The following COL25A1 variants were observed in gnomAD, a reference collection of about 807,000 sequenced individuals.
The protein encoded by COL25A1 is collagen alpha-1(XXV) chain.
COL25A1 carries 103 observed loss-of-function variants against 128.4 expected under a neutral mutation model. That is an observed-to-expected ratio of 0.80 (90% CI 0.68 to 0.94). The LOEUF (loss-of-function observed/expected upper bound fraction) is 0.94, where lower values mean the gene tolerates loss of function less well. Among genes scored for constraint, COL25A1 ranks in the 40% least tolerant of loss-of-function variants. The pLI, the probability that COL25A1 is intolerant of heterozygous loss-of-function variation, is 0.00. For synonymous variants in COL25A1, 279 were observed against 277.2 expected (o/e 1.01, Z -0.06); for missense variants, 745 against 840.0 (o/e 0.89, Z 1.40).
intron 3 of COL25A1, among the ~76,000 whole-genome samples, chr4:109,188,028 G>A (rs1041361640): frequency 3.9e-5 from 6 of 152,196 alleles, no homozygotes; most frequent in Middle Eastern, 3.4e-3. Context: ...AGGGAAACCC[G>A]TGACAAGAAC....
At position 108,896,708 on chromosome 4, in the gene COL25A1, C is replaced by T; in HGVS notation, c.865G>A (p.Asp289Asn). ...GEPGEQGEKG[D>N]AGENGPKGDT... ...CCCTTGGGGCCGTTCTCTCCAGCGT[C>T]TCCCTGAGGAGGTGAGAAAGTGACA... The change falls in exon 16 of 38, where the codon GAC (aspartate) becomes AAC (asparagine). Residue 289 changes from aspartate to asparagine, a missense_variant. Transcript: ENST00000399132. 1 of 1,613,856 alleles carries T rather than the reference C, an allele frequency of 6.2e-7. No individual in the cohort carries two copies. Among genetic ancestry groups the T allele is most frequent in the Non-Finnish European group, 8.5e-7 (1 of 1,179,836 alleles).
intron 12 of COL25A1, among the ~76,000 whole-genome samples, chr4:108,919,336 A>T (rs1367234017): frequency 6.6e-6 from 1 of 152,160 alleles, no homozygotes; most frequent in African/African-American, 2.4e-5. Flanking sequence ...CAGTAATTTT[A>T]TCCTGGTCGT....
intron 3 of COL25A1, among the ~76,000 whole-genome samples, chr4:109,103,328 A>G (rs1246709867): frequency 6.7e-6 from 1 of 149,184 alleles, no homozygotes; most frequent in East Asian, 2.1e-4. Flanking sequence ...CTCTCTAGAC[A>G]AATTCAGTGA....
chr4:108,883,241 C>G (rs575866398), intron 19 of COL25A1, among the ~76,000 whole-genome samples: 1 of 152,040 alleles, frequency 6.6e-6, no homozygotes, highest in African/African-American at 2.4e-5. Context: ...GTTGGCCAGG[C>G]TGGTTTCGAA....
At chr4:109,002,154 T>C (rs1435511069) in intron 6 of COL25A1, among the ~76,000 whole-genome samples, 1 of 152,174 alleles carries the variant, frequency 6.6e-6, no homozygotes, top group Non-Finnish European at 1.5e-5. Flanking sequence ...GTATAGAGGT[T>C]TCTCAAAAAA....
chr4:108,956,307 A>G (rs1750067269), intron 8 of COL25A1, among the ~76,000 whole-genome samples: 1 of 151,326 alleles, frequency 6.6e-6, no homozygotes, highest in African/African-American at 2.4e-5. Flanking sequence ...CAATGACAAG[A>G]ATGGATTTAT....
chr4:108,853,719 A>G (rs541017317), intron 24 of COL25A1, among the ~76,000 whole-genome samples: 2 of 140,566 alleles, frequency 1.4e-5, no homozygotes, highest in Non-Finnish European at 3.1e-5. Flanking sequence ...CCCTGTGCCC[A>G]TATGTTCTCA....
At chr4:109,075,965 C>G (rs560604712) in intron 3 of COL25A1, among the ~76,000 whole-genome samples, 1 of 152,314 alleles carries the variant, frequency 6.6e-6, no homozygotes, top group East Asian at 1.9e-4. Flanking sequence ...AAAATTGCAT[C>G]TGTAGTGAAC....
At chr4:109,092,417 T>C (rs1476533325) in intron 3 of COL25A1, among the ~76,000 whole-genome samples, 1 of 152,138 alleles carries the variant, frequency 6.6e-6, no homozygotes. Flanking sequence ...CCCAGGAGTC[T>C]GAGGCTGGCT....
At chr4:109,234,278 T>C (rs993946082) in intron 3 of COL25A1, among the ~76,000 whole-genome samples, 22 of 152,150 alleles carry the variant, frequency 1.4e-4, no homozygotes, top group African/African-American at 4.8e-4. Flanking sequence ...GAACTGTTTT[T>C]CTCCTTCAAG....
chr4:109,253,373 C>T (rs1366260360), intron 3 of COL25A1, among the ~76,000 whole-genome samples: 1 of 152,152 alleles, frequency 6.6e-6, no homozygotes, highest in Non-Finnish European at 1.5e-5. Context: ...GTATAAGCTG[C>T]AGTCCAAGTC....
At chr4:108,984,340 C>T (rs997197013) in intron 6 of COL25A1, among the ~76,000 whole-genome samples, 2 of 152,224 alleles carry the variant, frequency 1.3e-5, no homozygotes, top group African/African-American at 4.8e-5. Flanking sequence ...CAGTGGATCC[C>T]GCACAGGGGC....
Position 108,848,743 on chromosome 4 carries a change from C to T in COL25A1, c.1434+16G>A, listed in dbSNP as rs13135591. ...GAATGATGCTTTAAATAATAGTATA[C>T]ATCTTTGAAAATTACCTGCTCTCCA... On this transcript the variant is annotated intron_variant, in intron 27 of 37. Coordinates refer to ENST00000399132, the MANE Select transcript of COL25A1 (RefSeq NM_198721.4). The T allele has an allele frequency of 0.81, 1,247,482 of 1,533,268 alleles. 510,166 individuals are homozygous for T. Among genetic ancestry groups the T allele is most frequent in the South Asian group, 0.88 (78,786 of 89,428 alleles). 95.0% of individuals were successfully genotyped at this position (1,533,268 alleles called of 1,614,324 possible).
At chr4:109,060,914 T>G (rs569812175) in intron 3 of COL25A1, among the ~76,000 whole-genome samples, 2 of 152,180 alleles carry the variant, frequency 1.3e-5, no homozygotes, top group Non-Finnish European at 2.9e-5. Flanking sequence ...GATGCTATAG[T>G]TTGGGTCCAT....
chr4:109,151,668 G>A (rs993923559), intron 3 of COL25A1, among the ~76,000 whole-genome samples: 20 of 151,938 alleles, frequency 1.3e-4, no homozygotes, highest in Non-Finnish European at 2.4e-4. Context: ...TCACACTGTC[G>A]GTACATACAA....
chr4:109,144,545 C>T (rs367876254), intron 3 of COL25A1, among the ~76,000 whole-genome samples: 7 of 152,208 alleles, frequency 4.6e-5, no homozygotes, highest in African/African-American at 1.4e-4. Context: ...GGAGTTTCAT[C>T]TATAAGCCCC....
At chr4:108,972,473 T>C (rs1194947351) in intron 8 of COL25A1, among the ~76,000 whole-genome samples, 2 of 152,168 alleles carry the variant, frequency 1.3e-5, no homozygotes, top group Non-Finnish European at 2.9e-5. Flanking sequence ...TCTTACTAGA[T>C]AGTAATGTTT....
chr4:108,829,257 C>A (rs532530517), intron 32 of COL25A1, among the ~76,000 whole-genome samples: 7 of 152,096 alleles, frequency 4.6e-5, no homozygotes, highest in Non-Finnish European at 1.0e-4. Flanking sequence ...ATGCCTTGCA[C>A]TTTAGGAGTT....
At chr4:109,281,020 A>C (rs921051035) in intron 3 of COL25A1, among the ~76,000 whole-genome samples, 1 of 152,214 alleles carries the variant, frequency 6.6e-6, no homozygotes, top group Non-Finnish European at 1.5e-5. Flanking sequence ...AACAGATATA[A>C]ATATGTAGAT....
Sources: gnomAD v4.1 joint callset for allele counts (sites outside exome capture counted in the v4.1 genomes callset) on GRCh38, gnomAD v4.1.1 for gene constraint, MANE v1.5 for transcripts, NCBI Gene and HGNC (gene_info 2026-07-23, HGNC 2026-07-21) for gene names.